Variants in SEC24A observed in about 807,000 individuals in gnomAD.
The protein encoded by SEC24A is SEC24 homolog A, COPII component.
A neutral mutation model predicts 129.4 loss-of-function variants in SEC24A; 93 were observed. The observed-to-expected ratio is 0.72, with a 90% confidence interval of 0.61 to 0.85. The LOEUF is 0.85. Ranked by LOEUF, SEC24A falls within the 40% of genes least tolerant of loss-of-function variation. SEC24A has a pLI of 0.00. For missense variants in SEC24A, 1,264 were observed against 1,307.4 expected (o/e 0.97, Z 0.51); for synonymous variants, 460 against 467.3 (o/e 0.98, Z 0.20).
chr5:134,709,409 G>C (rs1221865502), intron 18 of SEC24A, among the ~76,000 whole-genome samples: 1 of 152,132 alleles, frequency 6.6e-6, no homozygotes, highest in African/African-American at 2.4e-5. Context: ...CAAGTTCCTT[G>C]TTCATAAGAT....
chr5:134,716,225 G>T (rs1345144986), intron 19 of SEC24A, among the ~76,000 whole-genome samples: 1 of 152,074 alleles, frequency 6.6e-6, no homozygotes, highest in Non-Finnish European at 1.5e-5. Flanking sequence ...CACTTTGGGA[G>T]GCTGAGGCGG....
intron 21 of SEC24A, among the ~76,000 whole-genome samples, chr5:134,722,713 G>A (rs769641707): frequency 7.2e-5 from 11 of 152,284 alleles, no homozygotes; most frequent in South Asian, 2.1e-4. Context: ...TAGAATATTC[G>A]TAGAAAATTG....
intron 2 of SEC24A, among the ~76,000 whole-genome samples, 195 bp downstream of exon 2, chr5:134,661,781 A>G (rs1269430661): frequency 6.7e-6 from 1 of 150,074 alleles, no homozygotes; most frequent in East Asian, 1.9e-4. Context: ...TAAGTAAGCT[A>G]TAACACTCAT....
In SEC24A at chr5:134,659,331, C is replaced by T. The variant is rs1259207943; in HGVS notation, c.98-1788C>T. On this transcript the variant is annotated intron_variant, in intron 1 of 22. Coordinates refer to ENST00000398844, the MANE Select transcript of SEC24A (RefSeq NM_021982.3). ...TCGTGATCCGCCCGCCTTGGCCTCC[C>T]AAAGTGCTGGGATTATAGGCGTGAG... is the stretch of plus-strand genomic sequence containing the variant. Among the ~76,000 whole-genome samples the T allele has an allele frequency of 2.6e-5, 4 of 152,180 alleles. No homozygotes were observed. The East Asian group carries it at 5.8e-4, about 22-fold the overall frequency.
At chr5:134,685,090 A>G (rs1416103240) in intron 9 of SEC24A, among the ~76,000 whole-genome samples, 2 of 152,006 alleles carry the variant, frequency 1.3e-5, no homozygotes, top group Non-Finnish European at 2.9e-5. Context: ...ATATTATAGG[A>G]CAGACATGGT....
At position 134,693,802 on chromosome 5, in the gene SEC24A, G is replaced by A. The variant is rs558829501; in HGVS notation, c.1855G>A (p.Ala619Thr). The A allele has an allele frequency of 6.2e-7, 1 of 1,614,140 alleles. No individual in the cohort carries two copies. The highest frequency in any genetic ancestry group is 1.7e-5 in the Admixed American group (1 of 60,012). Reference protein sequence around the residue: ...TLETQSALGPALQAAFKLMSP... With the variant: ...TLETQSALGPTLQAAFKLMSP... ...GGAGACCCAGAGTGCCTTGGGTCCTGCACTGCAGGCTGCCTTTAAGCTGAT... is the reference window on the plus strand; with the variant it reads ...GGAGACCCAGAGTGCCTTGGGTCCTACACTGCAGGCTGCCTTTAAGCTGAT... Residue 619 changes from alanine to threonine, a missense_variant, in exon 13 of 23, where the codon GCA becomes ACA. Coordinates refer to ENST00000398844, the MANE Select transcript of SEC24A (RefSeq NM_021982.3).
chr5:134,689,742 C>G (rs1430524974), intron 11 of SEC24A, among the ~76,000 whole-genome samples: 1 of 147,450 alleles, frequency 6.8e-6, no homozygotes, highest in African/African-American at 2.5e-5. Flanking sequence ...CCAGCCTGGA[C>G]GACAGAGTGA....
chr5:134,671,207 C>T (rs528784732), intron 3 of SEC24A, among the ~76,000 whole-genome samples: 4 of 151,994 alleles, frequency 2.6e-5, no homozygotes, highest in Non-Finnish European at 4.4e-5. Context: ...TACAGGCACG[C>T]GCCACCACAC....
chr5:134,686,746 C>A, intron 9 of SEC24A, 44 bp from the exon 10 acceptor site: 2 of 1,194,006 alleles, frequency 1.7e-6, no homozygotes, highest in Non-Finnish European at 1.2e-6. Flanking sequence ...TAAGTTTAAA[C>A]TTAATCCTGT....
chr5:134,691,773 C>T (rs112750803), intron 11 of SEC24A, among the ~76,000 whole-genome samples: 4,048 of 152,176 alleles, frequency 0.027, 75 homozygotes, highest in Non-Finnish European at 0.044. Context: ...GCATGAGCCA[C>T]CGTGCCCGGC....
In SEC24A at chr5:134,648,855, C is replaced by G. The variant is rs1190111674; in HGVS notation, c.-222C>G. ...CCTTCTAGCCGGGCGTTCGCGGCCCCGCCGGCCCGACTCTCAAGCCTCAGC... is the reference window on the plus strand; with the variant it reads ...CCTTCTAGCCGGGCGTTCGCGGCCCGGCCGGCCCGACTCTCAAGCCTCAGC... On this transcript the variant is annotated 5_prime_UTR_variant, in exon 1 of 23. Coordinates refer to ENST00000398844, the MANE Select transcript of SEC24A (RefSeq NM_021982.3). 2 of 399,222 alleles carry G rather than the reference C, an allele frequency of 5.0e-6. No homozygotes were observed. The highest frequency in any genetic ancestry group is 2.1e-5 in the African/African-American group (1 of 47,976). The allele number at this position is 399,222 out of a possible 1,614,324, so 24.7% of individuals were successfully genotyped here. A position where few individuals can be genotyped will look rare whatever the true frequency, so the allele number is the denominator to read the frequency against.
chr5:134,666,126 T>C (rs2150075793), intron 2 of SEC24A, among the ~76,000 whole-genome samples: 1 of 151,998 alleles, frequency 6.6e-6, no homozygotes, highest in East Asian at 1.9e-4. Context: ...GTCTCTATTT[T>C]ATTAAGATTT....
At chr5:134,665,618 G>A (rs527924911) in intron 2 of SEC24A, among the ~76,000 whole-genome samples, 3 of 151,902 alleles carry the variant, frequency 2.0e-5, no homozygotes, top group South Asian at 2.1e-4. Context: ...GTGCAGTGAC[G>A]AGATCTCAGC....
chr5:134,716,183 C>A (rs1752470947), intron 19 of SEC24A, among the ~76,000 whole-genome samples: 4 of 152,174 alleles, frequency 2.6e-5, no homozygotes, highest in Admixed American at 1.3e-4. Flanking sequence ...ACTTTTCAGG[C>A]CAGGTATGGT....
chr5:134,661,710 T>A, intron 2 of SEC24A, 124 bp downstream of exon 2: 1 of 814,480 alleles, frequency 1.2e-6, no homozygotes, highest in Non-Finnish European at 1.9e-6. Flanking sequence ...TTATTAGTAG[T>A]TTTTTGTTGT....
intron 4 of SEC24A, among the ~76,000 whole-genome samples, chr5:134,672,864 T>A (rs912923868): frequency 5.9e-5 from 9 of 151,886 alleles, no homozygotes; most frequent in South Asian, 2.1e-4. Flanking sequence ...CCTCCCTGAG[T>A]AGCAGGGACT....
chr5:134,661,877 A>G (rs1750477356), intron 2 of SEC24A, among the ~76,000 whole-genome samples: 1 of 138,046 alleles, frequency 7.2e-6, no homozygotes, highest in South Asian at 2.2e-4. Context: ...GCTGGAAAGC[A>G]GTGGCACAAT....
chr5:134,656,907 G>A (rs1750267356), intron 1 of SEC24A, among the ~76,000 whole-genome samples: 1 of 151,554 alleles, frequency 6.6e-6, no homozygotes, highest in Non-Finnish European at 1.5e-5. Context: ...TTGATCAAGT[G>A]GGTGGAGTGG....
At chr5:134,693,089 G>A (rs1751712197) in intron 12 of SEC24A, 1 of 1,535,976 alleles carries the variant, frequency 6.5e-7, no homozygotes. Flanking sequence ...ATTGCCATGA[G>A]ATAATACAGT....
Sources: gnomAD v4.1 joint callset for allele counts (sites outside exome capture counted in the v4.1 genomes callset) on GRCh38, gnomAD v4.1.1 for gene constraint, MANE v1.5 for transcripts, NCBI Gene and HGNC (gene_info 2026-07-23, HGNC 2026-07-21) for gene names.